TFAP2C: variants seen among roughly 807,000 people sequenced by gnomAD.
The protein encoded by TFAP2C is transcription factor AP-2 gamma.
TFAP2C carries 9 observed loss-of-function variants against 42.9 expected under a neutral mutation model. That is an observed-to-expected ratio of 0.21 (90% CI 0.13 to 0.37). The LOEUF is 0.37. Among genes scored for constraint, TFAP2C ranks in the 10% least tolerant of loss-of-function variants. The pLI, the probability that TFAP2C is intolerant of heterozygous loss-of-function variation, is 1.00. For missense variants in TFAP2C, 462 were observed against 591.7 expected (o/e 0.78, Z 2.27); for synonymous variants, 264 against 256.0 (o/e 1.03, Z -0.30).
rs775847335 is a variant in TFAP2C, at chr20:56,634,255, A to T, written c.909A>T (p.Thr303=). The part of the protein sequence containing the change: ...RRKAAHVTLL[T]SLVEGEAVHL... The stretch of plus-strand genomic sequence containing the variant: ...AAGCCGCTCATGTGACTCTCCTGAC[A>T]TCCTTAGTAGAAGGTCAGTGGGGTT... Residue 303 remains threonine, a synonymous_variant, in exon 5 of 7, where the codon ACA becomes ACT. Transcript: ENST00000201031. 5.6e-6 allele frequency: 9 copies of T among 1,611,662 alleles called. No homozygotes were observed. Among genetic ancestry groups the T allele is most frequent in the Middle Eastern group, 1.6e-4 (1 of 6,062 alleles).
At position 56,630,813 on chromosome 20, in the gene TFAP2C, C is replaced by A; in HGVS notation, c.49-392C>A. 3.0e-6 allele frequency: 3 copies of A among 985,416 alleles called. No homozygotes were observed. Among genetic ancestry groups the A allele is most frequent in the Non-Finnish European group, 3.6e-6 (3 of 829,930 alleles). 61.0% of individuals were successfully genotyped at this position (985,416 alleles called of 1,614,324 possible). The stretch of plus-strand genomic sequence containing the variant: ...GTCATGGGCGGGCTCCACGAGATAG[C>A]TCTGCACCGGGCGTCCGGCTCCTTC... On this transcript the variant is annotated intron_variant, in intron 1 of 6. Coordinates refer to ENST00000201031, the MANE Select transcript of TFAP2C (RefSeq NM_003222.4). The surrounding 1 kb of genome is among the most constrained non-coding windows in gnomAD (Gnocchi z 5.1).
chr20:56,630,718 G>T lies in TFAP2C; in HGVS notation c.49-487G>T. The T allele has an allele frequency of 1.0e-6, 1 of 985,366 alleles. No individual in the cohort carries two copies. The highest frequency in any genetic ancestry group is 1.7e-5 in the African/African-American group (1 of 57,354). 61.0% of individuals were successfully genotyped at this position (985,366 alleles called of 1,614,324 possible). On this transcript the variant is annotated intron_variant, in intron 1 of 6. Coordinates refer to ENST00000201031, the MANE Select transcript of TFAP2C (RefSeq NM_003222.4). The surrounding 1 kb of genome is among the most constrained non-coding windows in gnomAD (Gnocchi z 5.1). ...TGGAAGGGAGGGTCCCGGGGGCGGG[G>T]GAGGTGCGCATTTCCCGCGCCGCGC... is the stretch of plus-strand genomic sequence containing the variant.
rs1987468485 is a variant in TFAP2C at position 56,630,587 on chromosome 20, A to C, written c.49-618A>C. ...CCTCGGCTGGGCCCGGCCAGCAGGG[A>C]GGGCCGCCCTGTGCGCGCGCTCCCT... On this transcript the variant is annotated intron_variant, in intron 1 of 6. Transcript: ENST00000201031. This position sits in a 1 kb window ranked among gnomAD's most constrained non-coding sequence, Gnocchi z 5.1. 1.5e-6 allele frequency: 1 copy of C among 661,014 alleles called. No individual in the cohort carries two copies. Among genetic ancestry groups the C allele is most frequent in the Non-Finnish European group, 1.9e-6 (1 of 533,570 alleles). The allele number at this position is 661,014 out of a possible 1,614,324, so 40.9% of individuals were successfully genotyped here.
intron 4 of TFAP2C, 86 bp downstream of exon 4, chr20:56,633,655 G>A (rs183059211): frequency 2.1e-6 from 2 of 943,706 alleles, no homozygotes; most frequent in Admixed American, 4.1e-5. Flanking sequence ...TAACATTTAT[G>A]TGACTTTATG....
At position 56,631,746 on chromosome 20, in the gene TFAP2C, C is replaced by T. The variant is rs1987496623; in HGVS notation, c.534+56C>T. The T allele has an allele frequency of 6.2e-7, 1 of 1,613,004 alleles. No individual in the cohort carries two copies. Among genetic ancestry groups the T allele is most frequent in the Admixed American group, 1.7e-5 (1 of 59,968 alleles). On this transcript the variant is annotated intron_variant, in intron 2 of 6. Coordinates refer to ENST00000201031, the MANE Select transcript of TFAP2C (RefSeq NM_003222.4). The surrounding 1 kb of genome is among the most constrained non-coding windows in gnomAD (Gnocchi z 6.1). The stretch of plus-strand genomic sequence containing the variant: ...TGTTCACCCTACGGCCTTCTGCCCC[C>T]ACCCCGCACTCCTCTAGGCTCCCCC...
chr20:56,636,541 G>A (rs987928591), intron 5 of TFAP2C, 69 bp from the exon 6 acceptor site: 54 of 1,209,568 alleles, frequency 4.5e-5, no homozygotes, highest in Admixed American at 2.1e-4. Context: ...AAAAAAAAAA[G>A]AGAGAGGAAA....
In TFAP2C at chr20:56,633,456, A is replaced by G. The variant is rs1987531295; in HGVS notation, c.690A>G (p.Arg230=). The G allele has an allele frequency of 1.2e-6, 2 of 1,614,086 alleles. No individual in the cohort carries two copies. Among genetic ancestry groups the G allele is most frequent in the Admixed American group, 3.3e-5 (2 of 60,000 alleles). The change falls in exon 4 of 7, where the codon AGA becomes AGG. Residue 230 remains arginine, a synonymous_variant. Coordinates refer to ENST00000201031, the MANE Select transcript of TFAP2C (RefSeq NM_003222.4). The part of the protein sequence containing the change: ...PTEVFCSVPG[R]LSLLSSTSKY... ...AGGTCTTCTGCTCAGTCCCTGGAAG[A>G]TTGTCGCTCCTCAGCTCTACGTCTA... is the stretch of plus-strand genomic sequence containing the variant.
rs1987449844 is a variant in TFAP2C, at chr20:56,629,768, C to T, written c.48+176C>T. Among the ~76,000 whole-genome samples the T allele has an allele frequency of 6.6e-6, 1 of 152,114 alleles. No homozygotes were observed. The highest frequency in any genetic ancestry group is 2.4e-5 in the African/African-American group (1 of 41,444). ...TGCGGGGCCCCTTTCCTGTATAGGG[C>T]CTTTTCCTAAATAGCCTCCCCTCGG... On this transcript the variant is annotated intron_variant, in intron 1 of 6. Coordinates refer to ENST00000201031, the MANE Select transcript of TFAP2C (RefSeq NM_003222.4). The surrounding 1 kb of genome is among the most constrained non-coding windows in gnomAD (Gnocchi z 5.9).
Position 56,636,645 on chromosome 20 carries a change from GTCTGTGAAGCCGA to G in TFAP2C, c.959_971del (p.Val320AspfsTer11). On this transcript the variant is annotated frameshift_variant, in exon 6 of 7. Coordinates refer to ENST00000201031, the MANE Select transcript of TFAP2C (RefSeq NM_003222.4). LOFTEE classifies it high-confidence loss of function. ...TCATTTGGCTAGGGACTTTGCCTAT[GTCTGTGAAGCCGA>G]ATTTCCTAGTAAACCAGTGGCAGAA... 6.2e-7 allele frequency: 1 copy of G among 1,614,094 alleles called. No individual in the cohort carries two copies. The highest frequency in any genetic ancestry group is 8.5e-7 in the Non-Finnish European group (1 of 1,180,010).
In TFAP2C at chr20:56,638,105, G is replaced by T. The variant is rs1021223946; in HGVS notation, c.*92G>T. On this transcript the variant is annotated 3_prime_UTR_variant, in exon 7 of 7. Coordinates refer to ENST00000201031, the MANE Select transcript of TFAP2C (RefSeq NM_003222.4). Reference sequence around the variant, plus strand: ...ACAGACTGGGAACCCCTCCTGGCCTGGGGGAAGAGTTTGTTACCTACCTTA... The same window carrying T: ...ACAGACTGGGAACCCCTCCTGGCCTTGGGGAAGAGTTTGTTACCTACCTTA... 10 of 1,213,570 alleles carry T rather than the reference G, an allele frequency of 8.2e-6. No individual in the cohort carries two copies. In the Middle Eastern group the frequency reaches 6.2e-4, roughly 76 times the overall value. 75.2% of individuals were successfully genotyped at this position (1,213,570 alleles called of 1,614,324 possible).
chr20:56,633,366 G>T lies in TFAP2C; in HGVS notation c.600G>T (p.Met200Ile). ...CTTCATTCACAGGTCCCATTTCCAT[G>T]ACCAAGAACCCTCTGAACCTCCCCT... ...QTVIRKGPISMTKNPLNLPCQ... is the reference protein window; with the variant it reads ...QTVIRKGPISITKNPLNLPCQ... Residue 200 changes from methionine (M) to isoleucine (I), a missense_variant, in exon 4 of 7, where the codon ATG becomes ATT. Coordinates refer to ENST00000201031, the MANE Select transcript of TFAP2C (RefSeq NM_003222.4). 6.2e-7 allele frequency: 1 copy of T among 1,612,648 alleles called. No homozygotes were observed. The highest frequency in any genetic ancestry group is 1.1e-5 in the South Asian group (1 of 90,938).
In TFAP2C at chr20:56,630,008, T is replaced by C. The variant is rs564859716; in HGVS notation, c.48+416T>C. On this transcript the variant is annotated intron_variant, in intron 1 of 6. Coordinates refer to ENST00000201031, the MANE Select transcript of TFAP2C (RefSeq NM_003222.4). This position sits in a 1 kb window ranked among gnomAD's most constrained non-coding sequence, Gnocchi z 5.1. ...CGGACACTCCTCCAAGGCCGGCTTGTCACCTGCCCCGCTACCTCCTCGGGG... is the reference window on the plus strand; with the variant it reads ...CGGACACTCCTCCAAGGCCGGCTTGCCACCTGCCCCGCTACCTCCTCGGGG... Among the ~76,000 whole-genome samples, 63 of 152,124 alleles carry C rather than the reference T, an allele frequency of 4.1e-4. No homozygotes were observed. Among genetic ancestry groups the C allele is most frequent in the Non-Finnish European group, 7.4e-4 (50 of 67,980 alleles).
At position 56,630,143 on chromosome 20, in the gene TFAP2C, C is replaced by T. The variant is rs1987458721; in HGVS notation, c.48+551C>T. Reference sequence around the variant, plus strand: ...CGTAAGAGCTCGCGAGTGCTCCAGCCTGTCGGACAGGTTGAGCTAGAGTTT... The same window carrying T: ...CGTAAGAGCTCGCGAGTGCTCCAGCTTGTCGGACAGGTTGAGCTAGAGTTT... On this transcript the variant is annotated intron_variant, in intron 1 of 6. Coordinates refer to ENST00000201031, the MANE Select transcript of TFAP2C (RefSeq NM_003222.4). The surrounding 1 kb of genome is among the most constrained non-coding windows in gnomAD (Gnocchi z 5.1). 1 of 240,036 alleles carries T rather than the reference C, an allele frequency of 4.2e-6. No individual in the cohort carries two copies. Among genetic ancestry groups the T allele is most frequent in the Admixed American group, 4.7e-5 (1 of 21,358 alleles). The allele number at this position is 240,036 out of a possible 1,614,324, so 14.9% of individuals were successfully genotyped here.
chr20:56,629,478 T>G lies in TFAP2C; in HGVS notation c.-67T>G. 1 of 1,326,960 alleles carries G rather than the reference T, an allele frequency of 7.5e-7. No individual in the cohort carries two copies. Among genetic ancestry groups the G allele is most frequent in the Non-Finnish European group, 9.8e-7 (1 of 1,025,440 alleles). 82.2% of individuals were successfully genotyped at this position (1,326,960 alleles called of 1,614,324 possible). On this transcript the variant is annotated 5_prime_UTR_variant, in exon 1 of 7. Coordinates refer to ENST00000201031, the MANE Select transcript of TFAP2C (RefSeq NM_003222.4). This position sits in a 1 kb window ranked among gnomAD's most constrained non-coding sequence, Gnocchi z 5.9. ...TGGTCACCGTGACCCCGATTTTGGA[T>G]TTACCGCTTGGGGGCTGGGGGGATC...
At chr20:56,635,819 G>T (rs1366465484) in intron 5 of TFAP2C, among the ~76,000 whole-genome samples, 1 of 152,120 alleles carries the variant, frequency 6.6e-6, no homozygotes, top group Non-Finnish European at 1.5e-5. Flanking sequence ...TGTTATATTT[G>T]TATATAACCT....
At chr20:56,636,484 C>A (rs1233639989) in intron 5 of TFAP2C, 126 bp from the exon 6 acceptor site, 8 of 1,016,674 alleles carry the variant, frequency 7.9e-6, no homozygotes, top group Non-Finnish European at 1.1e-5. Context: ...AGAGATCGGG[C>A]CACTGCACTC....
Position 56,631,462 on chromosome 20 carries a change from C to T in TFAP2C, c.306C>T (p.Ala102=), listed in dbSNP as rs562604858. The change falls in exon 2 of 7, where the codon GCC becomes GCT. Residue 102 remains alanine (A), a synonymous_variant. Transcript: ENST00000201031. This position sits in a 1 kb window ranked among gnomAD's most constrained non-coding sequence, Gnocchi z 6.1. The part of the protein sequence containing the change: ...QPAPTGSQQQ[A]WPGRQSQEGA... ...CGCCCACAGGCAGCCAGCAGCAGGC[C>T]TGGCCCGGCCGCCAGAGCCAGGAGG... is the stretch of plus-strand genomic sequence containing the variant. 23 of 1,548,812 alleles carry T rather than the reference C, an allele frequency of 1.5e-5. No homozygotes were observed. The highest frequency in any genetic ancestry group is 2.0e-5 in the Non-Finnish European group (23 of 1,150,520).
Position 56,631,136 on chromosome 20 carries a change from G to A in TFAP2C, c.49-69G>A, listed in dbSNP as rs1409794831. The A allele has an allele frequency of 6.8e-6, 10 of 1,464,484 alleles. No homozygotes were observed. The highest frequency in any genetic ancestry group is 9.0e-6 in the Non-Finnish European group (10 of 1,112,952). 90.7% of individuals were successfully genotyped at this position (1,464,484 alleles called of 1,614,324 possible). Reference sequence around the variant, plus strand: ...CCCGGGGCCCTCTGCGTAGCCCGGCGATGCCGGCCAGTTCGCAGTAGCGGG... The same window carrying A: ...CCCGGGGCCCTCTGCGTAGCCCGGCAATGCCGGCCAGTTCGCAGTAGCGGG... On this transcript the variant is annotated intron_variant, in intron 1 of 6. Transcript: ENST00000201031. The surrounding 1 kb of genome is among the most constrained non-coding windows in gnomAD (Gnocchi z 6.1).
At position 56,633,321 on chromosome 20, in the gene TFAP2C, T is replaced by C. The variant is rs772605147; in HGVS notation, c.587-32T>C. ...GGTCTCTTTTGCTCAGAGAGAGCTCTTGTGACTGCCAGCTCTGACCTTCAT... is the reference window on the plus strand; with the variant it reads ...GGTCTCTTTTGCTCAGAGAGAGCTCCTGTGACTGCCAGCTCTGACCTTCAT... On this transcript the variant is annotated intron_variant, in intron 3 of 6. Coordinates refer to ENST00000201031, the MANE Select transcript of TFAP2C (RefSeq NM_003222.4). 56 of 1,570,312 alleles carry C rather than the reference T, an allele frequency of 3.6e-5. 2 individuals are homozygous for C. In the South Asian group the frequency reaches 6.1e-4, roughly 17 times the overall value.
Sources: gnomAD v4.1 joint callset for allele counts (sites outside exome capture counted in the v4.1 genomes callset) on GRCh38, gnomAD v4.1.1 for gene constraint, Gnocchi (gnomAD v3.1) non-coding constraint, MANE v1.5 for transcripts, NCBI Gene and HGNC (gene_info 2026-07-23, HGNC 2026-07-21) for gene names.